PCDHGA5: variants seen among roughly 807,000 people sequenced by gnomAD.
PCDHGA5 encodes protocadherin gamma subfamily A, 5.
PCDHGA5 carries 36 observed loss-of-function variants against 56.7 expected under a neutral mutation model. The observed-to-expected ratio is 0.64, with a 90% CI of 0.49 to 0.84. The LOEUF (loss-of-function observed/expected upper bound fraction) is 0.84. Ranked by LOEUF, PCDHGA5 falls within the 40% of genes least tolerant of loss-of-function variation. The pLI, the probability that PCDHGA5 is intolerant of heterozygous loss-of-function variation, is 0.00. For synonymous variants in PCDHGA5, 563 were observed against 520.2 expected (o/e 1.08, Z -1.12); for missense variants, 1,305 against 1,201.5 (o/e 1.09, Z -1.27).
In PCDHGA5 at chr5:141,364,449, A is replaced by G; in HGVS notation, c.119A>G (p.Asp40Gly). 6.2e-7 allele frequency: 1 copy of G among 1,613,984 alleles called. No individual in the cohort carries two copies. The highest frequency in any genetic ancestry group is 1.7e-5 in the Admixed American group (1 of 60,030). ...CGCTACTCGATGCCGGAGGAGCTGGACAAAGGCTCCTTCGTCGGCAACATA... is the reference window on the plus strand; with the variant it reads ...CGCTACTCGATGCCGGAGGAGCTGGGCAAAGGCTCCTTCGTCGGCAACATA... ...QIRYSMPEEL[D>G]KGSFVGNIAK... The change falls in exon 1 of 4, where the codon GAC becomes GGC. Residue 40 changes from aspartate to glycine, a missense_variant. Coordinates refer to ENST00000518069, the MANE Select transcript of PCDHGA5 (RefSeq NM_018918.3).
At position 141,413,407 on chromosome 5, in the gene PCDHGA5, C is replaced by G. The variant is rs372466798; in HGVS notation, c.2421+46656C>G. The G allele has an allele frequency of 3.3e-5, 53 of 1,613,926 alleles. No homozygotes were observed. Among genetic ancestry groups the G allele is most frequent in the Middle Eastern group, 1.6e-4 (1 of 6,082 alleles). ...CATAGTCTCCAGAGGTAGGACGCAG[C>G]TTTTCTCTCTGAACCCGCGCAGCGG... On this transcript the variant is annotated intron_variant, in intron 1 of 3. Transcript: ENST00000518069.
intron 1 of PCDHGA5, chr5:141,418,398 T>C (rs754177868): frequency 6.2e-7 from 1 of 1,613,842 alleles, no homozygotes; most frequent in South Asian, 1.1e-5. Flanking sequence ...TATTTCTCAT[T>C]GGTGGAGAAA....
rs143083513 is a variant in PCDHGA5 at position 141,431,088 on chromosome 5, T to C, written c.2422-63719T>C. On this transcript the variant is annotated intron_variant, in intron 1 of 3. Coordinates refer to ENST00000518069, the MANE Select transcript of PCDHGA5 (RefSeq NM_018918.3). This position sits in a 1 kb window ranked among gnomAD's most constrained non-coding sequence, Gnocchi z 4.8. The stretch of plus-strand genomic sequence containing the variant: ...TGTCAATTAAATCTAGACATTCTGA[T>C]GGAGGATAAAGTGAAAATATATGGA... 106 of 1,614,180 alleles carry C rather than the reference T, an allele frequency of 6.6e-5. 1 individual carries two copies. The highest frequency in any genetic ancestry group is 3.1e-4 in the East Asian group (14 of 44,890).
At chr5:141,430,448 G>T in intron 1 of PCDHGA5, 1 of 192,294 alleles carries the variant, frequency 5.2e-6, no homozygotes. Flanking sequence ...ATCCCCTTTT[G>T]AAGAACAGTA....
intron 1 of PCDHGA5, among the ~76,000 whole-genome samples, chr5:141,469,345 G>A (rs2099197832): frequency 6.6e-6 from 1 of 152,128 alleles, no homozygotes; most frequent in Non-Finnish European, 1.5e-5. Context: ...GGGAGGCTGA[G>A]GTGGATGGAT....
intron 1 of PCDHGA5, among the ~76,000 whole-genome samples, chr5:141,449,606 A>AG (rs1263111904): frequency 2.0e-5 from 3 of 150,702 alleles, no homozygotes; most frequent in Non-Finnish European, 3.0e-5. Flanking sequence ...AAAAAAAAAA[A>AG]AGTAAAAAAG....
At position 141,366,166 on chromosome 5, in the gene PCDHGA5, C is replaced by A. The variant is rs764048783; in HGVS notation, c.1836C>A (p.Ser612Arg). 1.2e-6 allele frequency: 2 copies of A among 1,614,076 alleles called. No individual in the cohort carries two copies. Among genetic ancestry groups the A allele is most frequent in the Admixed American group, 1.7e-5 (1 of 60,032 alleles). Residue 612 changes from serine (S) to arginine (R), a missense_variant, in exon 1 of 4, where the codon AGC becomes AGA. By Grantham distance (110) the Ser-to-Arg change is moderately radical (BLOSUM62 -1). Transcript: ENST00000518069. The stretch of plus-strand genomic sequence containing the variant: ...TGTCCTACCGCCTGCTTAAGGCCAG[C>A]GAGCCAGGACTCTTTGCGGTTGGGC... ...AWLSYRLLKA[S>R]EPGLFAVGLH... is the part of the protein sequence containing the mutation.
At chr5:141,390,271 C>A in intron 1 of PCDHGA5, 1 of 1,614,036 alleles carries the variant, frequency 6.2e-7, no homozygotes, top group Non-Finnish European at 8.5e-7. Context: ...AGTGAATTGA[C>A]TTCCCATCAG....
intron 1 of PCDHGA5, chr5:141,376,527 A>T: frequency 6.2e-7 from 1 of 1,613,816 alleles, no homozygotes; most frequent in South Asian, 1.1e-5. Context: ...TTTCCGCCTA[A>T]GCGGGAAGAG....
In PCDHGA5 at chr5:141,489,291, C is replaced by A; in HGVS notation, c.2422-5516C>A. ...TCGCTGGGAAATGGCAAGTGCTGTG[C>A]ATGTTGTCCTTGTGCTGCTGGGGCT... is the stretch of plus-strand genomic sequence containing the variant. On this transcript the variant is annotated intron_variant, in intron 1 of 3. Transcript: ENST00000518069. This position sits in a 1 kb window ranked among gnomAD's most constrained non-coding sequence, Gnocchi z 4.5. 6.3e-7 allele frequency: 1 copy of A among 1,577,628 alleles called. No homozygotes were observed. The highest frequency in any genetic ancestry group is 8.6e-7 in the Non-Finnish European group (1 of 1,161,994).
intron 1 of PCDHGA5, among the ~76,000 whole-genome samples, chr5:141,401,154 C>A (rs753624238): frequency 6.6e-5 from 10 of 152,086 alleles, no homozygotes; most frequent in Non-Finnish European, 1.5e-4. Context: ...CCAGCCTGGG[C>A]AATATGGTGA....
intron 1 of PCDHGA5, among the ~76,000 whole-genome samples, chr5:141,448,855 G>A (rs2098611434): frequency 6.6e-6 from 1 of 152,172 alleles, no homozygotes. Context: ...TGAGGCAGGA[G>A]AATGGCGTGA....
chr5:141,485,682 A>G lies in PCDHGA5; in HGVS notation c.2422-9125A>G, dbSNP rs779441999. Reference sequence around the variant, plus strand: ...GTGGGGAGCAATTCGATTAGCAGCTATAGGCTGAGCTCCAATGAACACTTT... The same window carrying G: ...GTGGGGAGCAATTCGATTAGCAGCTGTAGGCTGAGCTCCAATGAACACTTT... On this transcript the variant is annotated intron_variant, in intron 1 of 3. Coordinates refer to ENST00000518069, the MANE Select transcript of PCDHGA5 (RefSeq NM_018918.3). This position sits in a 1 kb window ranked among gnomAD's most constrained non-coding sequence, Gnocchi z 5.7. 6.2e-7 allele frequency: 1 copy of G among 1,614,076 alleles called. No homozygotes were observed. Among genetic ancestry groups the G allele is most frequent in the Non-Finnish European group, 8.5e-7 (1 of 1,179,964 alleles).
rs775204388 is a variant in PCDHGA5, at chr5:141,490,235, G to T, written c.2422-4572G>T. On this transcript the variant is annotated intron_variant, in intron 1 of 3. Transcript: ENST00000518069. This position sits in a 1 kb window ranked among gnomAD's most constrained non-coding sequence, Gnocchi z 5.4. ...GACCAGGGACAGCCTGCCATGGAGG[G>T]CCACTGTGTGATTCAAGTGGATGTG... 1 of 1,614,228 alleles carries T rather than the reference G, an allele frequency of 6.2e-7. No homozygotes were observed. The highest frequency in any genetic ancestry group is 1.1e-5 in the South Asian group (1 of 91,084).
At chr5:141,460,035 A>G (rs1246945474) in intron 1 of PCDHGA5, among the ~76,000 whole-genome samples, 1 of 152,140 alleles carries the variant, frequency 6.6e-6, no homozygotes, top group Non-Finnish European at 1.5e-5. Context: ...CCGAGACTGC[A>G]CCACTGCACT....
rs143767010 is a variant in PCDHGA5 at position 141,460,190 on chromosome 5, A to G, written c.2422-34617A>G. 3.2e-3 allele frequency among the ~76,000 whole-genome samples: 486 copies of G among 152,218 alleles called. 1 individual carries two copies. Among genetic ancestry groups the G allele is most frequent in the Non-Finnish European group, 4.9e-3 (336 of 68,006 alleles). ...TTTTGTGGATATTTTATCCCAGACTATGACTTGTCTTTTCATTTTCTTAGT... is the reference window on the plus strand; with the variant it reads ...TTTTGTGGATATTTTATCCCAGACTGTGACTTGTCTTTTCATTTTCTTAGT... On this transcript the variant is annotated intron_variant, in intron 1 of 3. Coordinates refer to ENST00000518069, the MANE Select transcript of PCDHGA5 (RefSeq NM_018918.3).
chr5:141,371,814 G>C (rs1020682392), intron 1 of PCDHGA5: 4 of 1,613,892 alleles, frequency 2.5e-6, no homozygotes, highest in Middle Eastern at 1.6e-4. Context: ...CATTGCGCAT[G>C]TCAGAGCCTC....
intron 1 of PCDHGA5, chr5:141,388,015 G>A (rs2091197688): frequency 6.8e-7 from 1 of 1,467,954 alleles, no homozygotes; most frequent in South Asian, 1.3e-5. Context: ...ATGCCCAAGG[G>A]CTCCGTAGTG....
chr5:141,474,358 C>A (rs189724264), intron 1 of PCDHGA5, among the ~76,000 whole-genome samples: 30 of 152,290 alleles, frequency 2.0e-4, no homozygotes, highest in African/African-American at 6.5e-4. Context: ...AGTCATGTCT[C>A]AGTAGGTCTA....
Sources: allele counts gnomAD v4.1 joint callset (sites outside exome capture counted in the v4.1 genomes callset), GRCh38; gene constraint gnomAD v4.1.1; non-coding constraint Gnocchi (gnomAD v3.1); transcripts MANE v1.5; gene names NCBI Gene and HGNC (gene_info 2026-07-23, HGNC 2026-07-21).